The following PLCH1 variants were observed in gnomAD, a reference collection of about 807,000 sequenced individuals.
PLCH1 encodes the protein phospholipase C eta 1.
A neutral mutation model predicts 126.7 loss-of-function variants in PLCH1; 60 were observed. The observed-to-expected ratio is 0.47, with a 90% CI of 0.38 to 0.59. PLCH1 has a LOEUF of 0.59. Ranked by LOEUF, PLCH1 falls within the 20% of genes least tolerant of loss-of-function variation. The pLI, the probability that PLCH1 is intolerant of heterozygous loss-of-function variation, is 0.00. For missense variants in PLCH1, 1,723 were observed against 2,040.0 expected (o/e 0.84, Z 2.99); for synonymous variants, 719 against 734.9 (o/e 0.98, Z 0.35).
intron 2 of PLCH1, among the ~76,000 whole-genome samples, chr3:155,631,127 C>A (rs971166582): frequency 3.9e-5 from 6 of 152,116 alleles, no homozygotes; most frequent in African/African-American, 1.4e-4. Context: ...CTTTGCCTGA[C>A]TTACAGCCAC....
chr3:155,489,454 G>T (rs1715834856), intron 19 of PLCH1, among the ~76,000 whole-genome samples: 1 of 152,046 alleles, frequency 6.6e-6, no homozygotes, highest in Non-Finnish European at 1.5e-5. Context: ...TTAAAGTAGG[G>T]AATATCAGTA....
At chr3:155,737,215 G>C (rs1326974268) in intron 1 of PLCH1, among the ~76,000 whole-genome samples, 3 of 95,032 alleles carry the variant, frequency 3.2e-5, no homozygotes, top group East Asian at 6.6e-4. Flanking sequence ...CTGGGTGACA[G>C]AGCAAGCCTC....
intron 10 of PLCH1, among the ~76,000 whole-genome samples, chr3:155,544,569 A>G (rs1724912861): frequency 6.6e-6 from 1 of 152,226 alleles, no homozygotes; most frequent in Non-Finnish European, 1.5e-5. Context: ...TCCACCTCAA[A>G]TCAACAGAAT....
chr3:155,515,436 G>A (rs1720188033), intron 11 of PLCH1, among the ~76,000 whole-genome samples: 1 of 152,194 alleles, frequency 6.6e-6, no homozygotes, highest in African/African-American at 2.4e-5. Flanking sequence ...GAAATTTCAG[G>A]AGTTGAGGAT....
chr3:155,661,995 C>T (rs1434428564), intron 2 of PLCH1, among the ~76,000 whole-genome samples: 2 of 152,214 alleles, frequency 1.3e-5, no homozygotes, highest in Non-Finnish European at 1.5e-5. Context: ...AGAAACACCT[C>T]TTAATGAATC....
At chr3:155,488,220 C>A in intron 20 of PLCH1, 113 bp from the exon 21 acceptor site, 1 of 651,018 alleles carries the variant, frequency 1.5e-6, no homozygotes, top group Non-Finnish European at 2.7e-6. Flanking sequence ...TTTTTTGAGA[C>A]AGAGTGTTGC....
chr3:155,673,255 C>T (rs946146071), intron 2 of PLCH1, among the ~76,000 whole-genome samples: 23 of 151,992 alleles, frequency 1.5e-4, no homozygotes, highest in African/African-American at 5.3e-4. Context: ...ACTCAGGTAC[C>T]ACTGGAATGT....
Position 155,481,502 on chromosome 3 carries a change from C to T in PLCH1, c.4524G>A (p.Lys1508=), listed in dbSNP as rs746432126. The part of the protein sequence containing the change: ...NFESKYQCIS[K]SFVTTGIRDK... The stretch of plus-strand genomic sequence containing the variant: ...CTCTAATGCCAGTTGTAACAAAACT[C>T]TTACTAATACACTGGTACTTGCTCT... The change falls in exon 23 of 23, where the codon AAG becomes AAA. Residue 1508 remains lysine (K), a synonymous_variant. Coordinates refer to ENST00000460012, the MANE Select transcript of PLCH1 (RefSeq NM_014996.4). This position sits in a 1 kb window ranked among gnomAD's most constrained non-coding sequence, Gnocchi z 4.2. 2 of 1,614,194 alleles carry T rather than the reference C, an allele frequency of 1.2e-6. No individual in the cohort carries two copies. Among genetic ancestry groups the T allele is most frequent in the South Asian group, 1.1e-5 (1 of 91,086 alleles).
chr3:155,494,118 A>T (rs1385916731), intron 17 of PLCH1, 23 bp downstream of exon 17: 6 of 1,553,226 alleles, frequency 3.9e-6, no homozygotes, highest in Non-Finnish European at 5.3e-6. Context: ...ACCTGCATTT[A>T]TGACTATGAA....
intron 10 of PLCH1, among the ~76,000 whole-genome samples, chr3:155,548,201 A>G (rs1040042559): frequency 6.6e-6 from 1 of 152,206 alleles, no homozygotes; most frequent in African/African-American, 2.4e-5. Flanking sequence ...GTAGTCATAG[A>G]CATCCTGCCT....
intron 2 of PLCH1, among the ~76,000 whole-genome samples, chr3:155,660,956 C>A (rs1742062447): frequency 1.3e-5 from 2 of 152,170 alleles, no homozygotes; most frequent in African/African-American, 2.4e-5. Context: ...TATCTGCCTG[C>A]CTGAGGCTTT....
At chr3:155,715,816 G>A (rs1363963948) in intron 1 of PLCH1, among the ~76,000 whole-genome samples, 1 of 151,874 alleles carries the variant, frequency 6.6e-6, no homozygotes, top group Admixed American at 6.6e-5. Flanking sequence ...TGTTGCCCAA[G>A]CTAGTCTAGA....
intron 21 of PLCH1, among the ~76,000 whole-genome samples, chr3:155,466,845 T>C (rs747826420): frequency 2.0e-5 from 3 of 152,166 alleles, no homozygotes; most frequent in Non-Finnish European, 4.4e-5. Flanking sequence ...AAAAATGCAA[T>C]TGACATACCA....
chr3:155,649,756 A>C (rs553850707), intron 2 of PLCH1, among the ~76,000 whole-genome samples: 1 of 152,306 alleles, frequency 6.6e-6, no homozygotes, highest in South Asian at 2.1e-4. Context: ...AGGTGGGTGG[A>C]TCATGAGGTC....
At chr3:155,530,732 A>G (rs913132103) in intron 10 of PLCH1, among the ~76,000 whole-genome samples, 2 of 152,200 alleles carry the variant, frequency 1.3e-5, no homozygotes, top group African/African-American at 4.8e-5. Context: ...AAAAAATCGC[A>G]AATGTTCTTA....
At chr3:155,564,133 A>G (rs1727996451) in intron 8 of PLCH1, among the ~76,000 whole-genome samples, 1 of 152,156 alleles carries the variant, frequency 6.6e-6, no homozygotes, top group African/African-American at 2.4e-5. Context: ...TATAAAAAAA[A>G]TGTTCATCCC....
intron 1 of PLCH1, among the ~76,000 whole-genome samples, chr3:155,719,702 G>T (rs923682533): frequency 6.6e-6 from 1 of 150,984 alleles, no homozygotes; most frequent in Non-Finnish European, 1.5e-5. Context: ...AAAAAAAAAA[G>T]AATAATGTTC....
intron 21 of PLCH1, among the ~76,000 whole-genome samples, chr3:155,460,315 C>T (rs967379839): frequency 6.6e-6 from 1 of 152,144 alleles, no homozygotes; most frequent in Non-Finnish European, 1.5e-5. Context: ...GACAAAAAGT[C>T]TAGGTATTCT....
intron 2 of PLCH1, among the ~76,000 whole-genome samples, chr3:155,661,832 C>T (rs1559909881): frequency 6.6e-6 from 1 of 152,176 alleles, no homozygotes; most frequent in Non-Finnish European, 1.5e-5. Flanking sequence ...TAAGCAAGCT[C>T]AGAGCACTCA....
Sources: gnomAD v4.1 joint callset for allele counts (sites outside exome capture counted in the v4.1 genomes callset) on GRCh38, gnomAD v4.1.1 for gene constraint, Gnocchi (gnomAD v3.1) non-coding constraint, MANE v1.5 for transcripts, NCBI Gene and HGNC (gene_info 2026-07-23, HGNC 2026-07-21) for gene names.